CNTN5: variants seen among roughly 807,000 people sequenced by gnomAD.
CNTN5 encodes the protein contactin-5.
CNTN5 carries 77 observed loss-of-function variants against 129.1 expected under a neutral mutation model. That is an observed-to-expected ratio of 0.60 (90% confidence interval 0.50 to 0.72). The LOEUF (loss-of-function observed/expected upper bound fraction) is 0.72. Ranked by LOEUF, CNTN5 falls within the 30% of genes least tolerant of loss-of-function variation. The pLI is 0.00. For missense variants in CNTN5, 1,478 were observed against 1,328.8 expected, an observed-to-expected ratio of 1.11 and a Z score of -1.75; for synonymous variants, 509 against 465.6, an observed-to-expected ratio of 1.09 and a Z score of -1.20.
intron 1 of CNTN5, among the ~76,000 whole-genome samples, chr11:99,188,198 G>A (rs910619961): frequency 2.6e-5 from 4 of 151,768 alleles, no homozygotes; most frequent in Non-Finnish European, 5.9e-5. Flanking sequence ...ATAAGGTTGG[G>A]TTAATTCTTT....
In CNTN5 at chr11:100,238,544, G is replaced by A. The variant is rs549814579; in HGVS notation, c.2005+13732G>A. The stretch of plus-strand genomic sequence containing the variant: ...GGAGGAGGGGGTAGAAGAGGAGGAG[G>A]AGGAGGGGGAAGAAGAGGAGGAGGA... On this transcript the variant is annotated intron_variant, in intron 16 of 24. Transcript: ENST00000524871. Among the ~76,000 whole-genome samples the A allele has an allele frequency of 9.3e-5, 14 of 150,394 alleles. No homozygotes were observed. In the East Asian group the frequency reaches 2.4e-3, roughly 25 times the overall value.
intron 2 of CNTN5, among the ~76,000 whole-genome samples, chr11:99,357,618 A>G (rs1395642665): frequency 2.0e-5 from 3 of 152,140 alleles, no homozygotes; most frequent in Non-Finnish European, 4.4e-5. Flanking sequence ...GCATATGCAA[A>G]ATAAGATAAT....
intron 3 of CNTN5, among the ~76,000 whole-genome samples, chr11:99,808,593 AG>A (rs1487163127): frequency 2.0e-5 from 3 of 152,232 alleles, no homozygotes; most frequent in Non-Finnish European, 2.9e-5. Context: ...AAATTGCCAT[AG>A]AAAAAAATCA....
intron 2 of CNTN5, among the ~76,000 whole-genome samples, chr11:99,486,402 T>C (rs1945813146): frequency 1.3e-5 from 2 of 152,248 alleles, no homozygotes; most frequent in African/African-American, 2.4e-5. Flanking sequence ...TATCCAAGCA[T>C]AGTGCATAAC....
chr11:99,444,616 A>G (rs1341506660), intron 2 of CNTN5, among the ~76,000 whole-genome samples: 2 of 152,214 alleles, frequency 1.3e-5, no homozygotes, highest in African/African-American at 4.8e-5. Flanking sequence ...CAGAAACTTC[A>G]GTGTGCCTAT....
At chr11:99,113,992 T>A (rs1857921886) in intron 1 of CNTN5, among the ~76,000 whole-genome samples, 1 of 152,196 alleles carries the variant, frequency 6.6e-6, no homozygotes, top group Non-Finnish European at 1.5e-5. Context: ...AAGTTACGCT[T>A]ATCTATTAGT....
chr11:99,549,180 A>T (rs1948399574), intron 2 of CNTN5, among the ~76,000 whole-genome samples: 1 of 151,128 alleles, frequency 6.6e-6, no homozygotes, highest in South Asian at 2.1e-4. Context: ...TATCATTTCT[A>T]TTGACTCTCA....
intron 1 of CNTN5, among the ~76,000 whole-genome samples, chr11:99,077,559 A>G (rs749872792): frequency 2.0e-5 from 3 of 152,218 alleles, no homozygotes; most frequent in Non-Finnish European, 4.4e-5. Context: ...TTTTACTCAT[A>G]CAAAATCACA....
chr11:99,932,060 G>A (rs956259321), intron 7 of CNTN5, among the ~76,000 whole-genome samples: 3 of 152,070 alleles, frequency 2.0e-5, no homozygotes, highest in African/African-American at 4.8e-5. Context: ...TGACTATGAA[G>A]CACCTAAGCT....
chr11:99,224,271 C>A (rs906683799), intron 1 of CNTN5, among the ~76,000 whole-genome samples: 6 of 151,936 alleles, frequency 3.9e-5, no homozygotes, highest in Admixed American at 3.3e-4. Flanking sequence ...GATGTTATAC[C>A]AGCATTATGC....
At chr11:99,342,773 GC>G (rs1456559197) in intron 2 of CNTN5, among the ~76,000 whole-genome samples, 3 of 151,538 alleles carry the variant, frequency 2.0e-5, no homozygotes, top group African/African-American at 4.8e-5. Flanking sequence ...GGATATTAGT[GC>G]CCAAATTCAA....
At chr11:100,308,754 C>T (rs1693649233) in intron 21 of CNTN5, 2 of 1,024,666 alleles carry the variant, frequency 2.0e-6, no homozygotes, top group Non-Finnish European at 2.3e-6. Context: ...TTAATTGTAT[C>T]CAATTTACTG....
intron 9 of CNTN5, among the ~76,000 whole-genome samples, chr11:100,043,232 C>A (rs1942473669): frequency 6.6e-6 from 1 of 152,100 alleles, no homozygotes; most frequent in Admixed American, 6.6e-5. Flanking sequence ...ATTTCATTTT[C>A]CCTAAGTTGT....
At chr11:99,436,984 T>G (rs1943624789) in intron 2 of CNTN5, among the ~76,000 whole-genome samples, 1 of 152,194 alleles carries the variant, frequency 6.6e-6, no homozygotes, top group Admixed American at 6.5e-5. Flanking sequence ...AATTTGCATC[T>G]TTAGCACTGG....
chr11:100,326,244 A>C (rs1372160627), intron 21 of CNTN5, among the ~76,000 whole-genome samples: 1 of 152,196 alleles, frequency 6.6e-6, no homozygotes, highest in East Asian at 1.9e-4. Flanking sequence ...TGAAAGACAG[A>C]ATAGATTTGG....
rs77179128 is a variant in CNTN5, at chr11:99,656,160, T to A, written c.55+99891T>A. 3.3e-5 allele frequency among the ~76,000 whole-genome samples: 5 copies of A among 152,162 alleles called. No homozygotes were observed. The East Asian group carries it at 9.8e-4, about 30-fold the overall frequency. On this transcript the variant is annotated intron_variant, in intron 3 of 24. Transcript: ENST00000524871. ...TTATTTGCAGTCATAGATAAATTAA[T>A]TCCTGTCTTTACATCCTACCTCTTT...
chr11:99,516,547 A>C (rs752686101), intron 2 of CNTN5, among the ~76,000 whole-genome samples: 13 of 152,076 alleles, frequency 8.5e-5, no homozygotes, highest in Non-Finnish European at 1.6e-4. Context: ...ACACACATAC[A>C]TGCTTACGCA....
At chr11:99,163,880 T>C (rs1315743888) in intron 1 of CNTN5, among the ~76,000 whole-genome samples, 1 of 152,200 alleles carries the variant, frequency 6.6e-6, no homozygotes, top group Non-Finnish European at 1.5e-5. Flanking sequence ...CATCTCTTAT[T>C]TGGAGGTGAA....
chr11:99,564,947 GT>G (rs1022563986), intron 3 of CNTN5, among the ~76,000 whole-genome samples: 4 of 151,876 alleles, frequency 2.6e-5, no homozygotes, highest in Non-Finnish European at 5.9e-5. Context: ...CAGCTAATGG[GT>G]TTTTTTAACT....
Sources: gnomAD v4.1 joint callset for allele counts (sites outside exome capture counted in the v4.1 genomes callset) on GRCh38, gnomAD v4.1.1 for gene constraint, MANE v1.5 for transcripts, NCBI Gene and HGNC (gene_info 2026-07-23, HGNC 2026-07-21) for gene names.